Variants in NCKAP5 observed in about 807,000 individuals in gnomAD.
NCKAP5 encodes the protein nck-associated protein 5.
A neutral mutation model predicts 167.0 loss-of-function variants in NCKAP5; 92 were observed. The observed-to-expected ratio is 0.55, with a 90% CI of 0.47 to 0.66. The LOEUF is 0.66. NCKAP5 is among the 30% of genes least tolerant of loss of function. The probability of loss-of-function intolerance (pLI) is 0.00; values close to 1 mark genes in which losing one functional copy is unlikely to be tolerated. For synonymous variants in NCKAP5, 891 were observed against 877.4 expected, an observed-to-expected ratio of 1.02 and a Z score of -0.27; for missense variants, 2,378 against 2,315.0, an observed-to-expected ratio of 1.03 and a Z score of -0.56.
chr2:133,564,232 G>C (rs1688385273), intron 1 of NCKAP5, among the ~76,000 whole-genome samples: 1 of 152,108 alleles, frequency 6.6e-6, no homozygotes, highest in South Asian at 2.1e-4. Context: ...CTGAGCATCA[G>C]TATTTTTGCT....
chr2:133,184,496 C>T (rs1024840003), intron 5 of NCKAP5, among the ~76,000 whole-genome samples: 8 of 152,072 alleles, frequency 5.3e-5, no homozygotes, highest in South Asian at 4.1e-4. Context: ...AATCGGATTG[C>T]GGGGTCCAAT....
rs181073282 is a variant in NCKAP5 at position 133,207,160 on chromosome 2, T to C, written c.207+6556A>G. Among the ~76,000 whole-genome samples the C allele has an allele frequency of 1.3e-3, 200 of 152,184 alleles. 1 individual carries two copies. The highest frequency in any genetic ancestry group is 4.6e-3 in the African/African-American group (192 of 41,520). On this transcript the variant is annotated intron_variant, in intron 5 of 19. Transcript: ENST00000409261. ...CCCCCTCCCCTTTTAAAATCCCTAA[T>C]AAAAACTTGCTGGTTTTGTGGCTCA...
At position 133,251,439 on chromosome 2, in the gene NCKAP5, C is replaced by A. The variant is rs6749816; in HGVS notation, c.144-37660G>T. Among the ~76,000 whole-genome samples the A allele has an allele frequency of 4.0e-3, 616 of 152,290 alleles. 3 individuals carry two copies. Among genetic ancestry groups the A allele is most frequent in the African/African-American group, 0.014 (581 of 41,562 alleles). On this transcript the variant is annotated intron_variant, in intron 4 of 19. Transcript: ENST00000409261. ...TCCCCCAAAGATAGGCCAAGCCTTG[C>A]ATGAATTTGCCGGACTTTATTTGGC...
chr2:133,228,541 T>A (rs1438017107), intron 4 of NCKAP5, among the ~76,000 whole-genome samples: 2 of 152,158 alleles, frequency 1.3e-5, no homozygotes, highest in East Asian at 3.8e-4. Flanking sequence ...CCAGCTTAAG[T>A]CTATATATTT....
intron 5 of NCKAP5, among the ~76,000 whole-genome samples, chr2:133,204,518 C>T (rs2085856248): frequency 6.6e-6 from 1 of 152,130 alleles, no homozygotes; most frequent in South Asian, 2.1e-4. Flanking sequence ...TTGAAGAAAT[C>T]AGTTTATTCA....
intron 5 of NCKAP5, among the ~76,000 whole-genome samples, chr2:133,176,065 G>C (rs1189145533): frequency 6.6e-6 from 1 of 152,206 alleles, no homozygotes; most frequent in East Asian, 1.9e-4. Flanking sequence ...ACTAGTCAGG[G>C]AGGATCGTCT....
chr2:132,735,493 C>T (rs1353809822), intron 16 of NCKAP5, among the ~76,000 whole-genome samples: 1 of 152,184 alleles, frequency 6.6e-6, no homozygotes, highest in Non-Finnish European at 1.5e-5. Flanking sequence ...CAGCTAATGC[C>T]AGCACCATGC....
chr2:133,672,861 C>G, the NCKAP5 span, among the ~76,000 whole-genome samples: 1 of 152,180 alleles, frequency 6.6e-6, no homozygotes, highest in South Asian at 2.1e-4. Context: ...CTGAGGCCAT[C>G]CTTTACTCTT....
intron 16 of NCKAP5, among the ~76,000 whole-genome samples, chr2:132,771,765 C>T (rs183354803): frequency 2.8e-4 from 42 of 151,592 alleles, no homozygotes; most frequent in Non-Finnish European, 5.6e-4. Context: ...CTCTGCCTCC[C>T]GGGTTCACAC....
chr2:133,522,708 G>A (rs964522996), intron 2 of NCKAP5, among the ~76,000 whole-genome samples: 2 of 152,166 alleles, frequency 1.3e-5, no homozygotes, highest in Non-Finnish European at 2.9e-5. Flanking sequence ...ACATTTACAA[G>A]AGTGAGGTTG....
At chr2:132,754,081 G>A (rs1161831321) in intron 16 of NCKAP5, among the ~76,000 whole-genome samples, 1 of 152,234 alleles carries the variant, frequency 6.6e-6, no homozygotes, top group Non-Finnish European at 1.5e-5. Context: ...CAGTTAAACA[G>A]GGCTTTGTGA....
chr2:133,235,083 T>C (rs1008307755), intron 4 of NCKAP5, among the ~76,000 whole-genome samples: 33 of 151,580 alleles, frequency 2.2e-4, no homozygotes, highest in Non-Finnish European at 4.3e-4. Flanking sequence ...ATCTGAGTCT[T>C]GGATTCCTTA....
chr2:132,893,570 A>T (rs928579286), intron 8 of NCKAP5, among the ~76,000 whole-genome samples: 1 of 152,252 alleles, frequency 6.6e-6, no homozygotes, highest in African/African-American at 2.4e-5. Flanking sequence ...AAAATCTTCC[A>T]ACATGATTCT....
chr2:132,754,376 C>A (rs2104809491), intron 16 of NCKAP5, among the ~76,000 whole-genome samples: 1 of 145,508 alleles, frequency 6.9e-6, no homozygotes, highest in Middle Eastern at 3.4e-3. Context: ...CAAACAAAGC[C>A]ACCTACTATT....
intron 2 of NCKAP5, among the ~76,000 whole-genome samples, chr2:133,543,750 T>G (rs1040076490): frequency 2.6e-5 from 4 of 152,248 alleles, no homozygotes; most frequent in Non-Finnish European, 4.4e-5. Context: ...ATGAAAACTG[T>G]ATCTTTATTT....
rs1462260001 is a variant in NCKAP5, at chr2:133,022,759, A to G, written c.342-28520T>C. Among the ~76,000 whole-genome samples, 3 of 152,170 alleles carry G rather than the reference A, an allele frequency of 2.0e-5. No homozygotes were observed. The East Asian group carries it at 5.8e-4, about 29-fold the overall frequency. On this transcript the variant is annotated intron_variant, in intron 6 of 19. Transcript: ENST00000409261. ...TCACTTTTCCTTCCTTTGATGCCCT[A>G]TGCATGTAATAAATGTGTCCACCTT...
intron 1 of NCKAP5, among the ~76,000 whole-genome samples, chr2:133,564,587 G>A (rs181693083): frequency 5.3e-5 from 8 of 152,292 alleles, no homozygotes. Context: ...ACAGAGTTTA[G>A]ATAGAATACC....
At chr2:132,755,963 T>C (rs1425976722) in intron 16 of NCKAP5, among the ~76,000 whole-genome samples, 1 of 151,916 alleles carries the variant, frequency 6.6e-6, no homozygotes, top group Non-Finnish European at 1.5e-5. Context: ...CAAAAGCACA[T>C]TTAATGCTCT....
At chr2:133,439,417 G>T (rs572165578) in intron 3 of NCKAP5, among the ~76,000 whole-genome samples, 3 of 152,054 alleles carry the variant, frequency 2.0e-5, no homozygotes, top group Non-Finnish European at 4.4e-5. Context: ...AAAAGATGTC[G>T]GGGGCAACAG....
Sources: gnomAD v4.1 joint callset for allele counts (sites outside exome capture counted in the v4.1 genomes callset) on GRCh38, gnomAD v4.1.1 for gene constraint, MANE v1.5 for transcripts, NCBI Gene and HGNC (gene_info 2026-07-23, HGNC 2026-07-21) for gene names.